The following MYH14 variants were observed in gnomAD, a reference collection of about 807,000 sequenced individuals.
The protein encoded by MYH14 is myosin heavy chain 14, also known as myosin-14.
In MYH14, 123 loss-of-function variants were observed where a neutral mutation model predicts 255.5. The ratio of observed to expected loss-of-function variants is 0.48; its 90% CI spans 0.42 to 0.56. MYH14 has a LOEUF of 0.56. MYH14 is among the 20% of genes least tolerant of loss of function. The probability of loss-of-function intolerance (pLI) is 0.00; values close to 1 mark genes in which losing one functional copy is unlikely to be tolerated. For synonymous variants in MYH14, 1,095 were observed against 1,161.2 expected, an observed-to-expected ratio of 0.94 and a Z score of 1.16; for missense variants, 2,423 against 2,802.3, an observed-to-expected ratio of 0.86 and a Z score of 3.06.
intron 20 of MYH14, 33 bp downstream of exon 20, chr19:50,260,748 C>A: frequency 7.6e-7 from 1 of 1,318,722 alleles, no homozygotes; most frequent in Non-Finnish European, 1.1e-6. Flanking sequence ...TGCGTGTGTG[C>A]GTGTGTGTGT....
chr19:50,207,568 C>G (rs1352221358), intron 1 of MYH14, among the ~76,000 whole-genome samples: 3 of 152,122 alleles, frequency 2.0e-5, no homozygotes, highest in Non-Finnish European at 2.9e-5. Context: ...CTCAGGCCCA[C>G]TCGGGGCGGA....
In MYH14 at chr19:50,257,481, A is replaced by G; in HGVS notation, c.2227A>G (p.Lys743Glu). 6.2e-7 allele frequency: 1 copy of G among 1,600,638 alleles called. No individual in the cohort carries two copies. Among genetic ancestry groups the G allele is most frequent in the Non-Finnish European group, 8.5e-7 (1 of 1,173,204 alleles). ...CCGCTGCATTGTCCCCAACCACGAG[A>G]AGAGGGTGAGTGACTCAGCCTGGGG... is the stretch of plus-strand genomic sequence containing the variant. ...FVRCIVPNHE[K>E]RAGKLEPRLV... The change falls in exon 18 of 43, where the codon AAG becomes GAG. Residue 743 changes from lysine (K) to glutamate (E), a missense_variant. By Grantham distance (56) the Lys-to-Glu change is moderately conservative. Coordinates refer to ENST00000642316, the MANE Select transcript of MYH14 (RefSeq NM_001145809.2).
intron 10 of MYH14, among the ~76,000 whole-genome samples, chr19:50,241,538 T>G: frequency 6.6e-6 from 1 of 151,396 alleles, no homozygotes. Flanking sequence ...CAGGGGAGAG[T>G]GTTCTGAAAA....
At position 50,252,641 on chromosome 19, in the gene MYH14, C is replaced by T. The variant is rs775077510; in HGVS notation, c.1833C>T (p.Val611=). The T allele has an allele frequency of 3.3e-5, 52 of 1,581,964 alleles. No individual in the cohort carries two copies. The highest frequency in any genetic ancestry group is 1.5e-4 in the African/African-American group (11 of 74,036). Residue 611 remains valine (V), a splice_region_variant and synonymous_variant, in exon 16 of 43, where the codon GTC becomes GTT. Transcript: ENST00000642316. The surrounding 1 kb of genome is among the most constrained non-coding windows in gnomAD (Gnocchi z 4.2). The stretch of plus-strand genomic sequence containing the variant: ...CTCCTCTACCTGACTTCATTCAGGT[C>T]GACTACAAGGCCAACGAGTGGCTGA... ...DFSVLHYAGK[V]DYKANEWLMK...
rs746571865 is a variant in MYH14, at chr19:50,276,931, G to A, written c.3825+30G>A. Reference sequence around the variant, plus strand: ...GTTGGGGCAGGGGGACAGGGCAGGGGGGCCACGGGGAGGGCAGGGCAGGAC... The same window carrying A: ...GTTGGGGCAGGGGGACAGGGCAGGGAGGCCACGGGGAGGGCAGGGCAGGAC... On this transcript the variant is annotated intron_variant, in intron 29 of 42. Coordinates refer to ENST00000642316, the MANE Select transcript of MYH14 (RefSeq NM_001145809.2). The surrounding 1 kb of genome is among the most constrained non-coding windows in gnomAD (Gnocchi z 4.3). 2.0e-6 allele frequency: 3 copies of A among 1,504,624 alleles called. No homozygotes were observed. The highest frequency in any genetic ancestry group is 9.1e-7 in the Non-Finnish European group (1 of 1,100,446). The allele number at this position is 1,504,624 out of a possible 1,614,324, so 93.2% of individuals were successfully genotyped here.
Position 50,309,024 on chromosome 19 carries a change from G to T in MYH14, c.5807G>T (p.Arg1936Leu), listed in dbSNP as rs780193307. The T allele has an allele frequency of 6.2e-7, 1 of 1,612,844 alleles. No homozygotes were observed. Among genetic ancestry groups the T allele is most frequent in the South Asian group, 1.1e-5 (1 of 90,994 alleles). Residue 1936 changes from arginine to leucine, a missense_variant, in exon 42 of 43, where the codon CGA becomes CTA. Coordinates refer to ENST00000642316, the MANE Select transcript of MYH14 (RefSeq NM_001145809.2). Reference protein sequence around the residue: ...LRDQLEKGNLRVKQLKRQLEE... With the variant: ...LRDQLEKGNLLVKQLKRQLEE... Reference sequence around the variant, plus strand: ...ATCAAGCTGGAGAAGGGAAACCTTCGAGTCAAGCAGCTGAAGCGGCAGCTG... The same window carrying T: ...ATCAAGCTGGAGAAGGGAAACCTTCTAGTCAAGCAGCTGAAGCGGCAGCTG...
chr19:50,230,514 G>T lies in MYH14; in HGVS notation c.875-11G>T. ...CCCTTCCCCTCTAGCACCTTGACTCGCTGTGTCCAGACCTGCTGGAGAAGT... is the reference window on the plus strand; with the variant it reads ...CCCTTCCCCTCTAGCACCTTGACTCTCTGTGTCCAGACCTGCTGGAGAAGT... On this transcript the variant is annotated splice_polypyrimidine_tract_variant and intron_variant, in intron 8 of 42. Coordinates refer to ENST00000642316, the MANE Select transcript of MYH14 (RefSeq NM_001145809.2). This position sits in a 1 kb window ranked among gnomAD's most constrained non-coding sequence, Gnocchi z 4.7. 1 of 1,555,084 alleles carries T rather than the reference G, an allele frequency of 6.4e-7. No homozygotes were observed.
intron 6 of MYH14, 103 bp downstream of exon 6, chr19:50,224,280 C>A: frequency 2.0e-6 from 3 of 1,507,828 alleles, no homozygotes; most frequent in Non-Finnish European, 2.8e-6. Flanking sequence ...AGCAGTGGTC[C>A]CACCTGCCAG....
Position 50,267,126 on chromosome 19 carries a change from C to T in MYH14, c.2826+118C>T. On this transcript the variant is annotated intron_variant, in intron 23 of 42. Transcript: ENST00000642316. The stretch of plus-strand genomic sequence containing the variant: ...TGAGCCAGCCTGTGCCCAGGCAGGG[C>T]TGTCGGGAGGATGGGAGCAAAGCTA... 4 of 1,025,390 alleles carry T rather than the reference C, an allele frequency of 3.9e-6. No individual in the cohort carries two copies. The African/African-American group carries it at 6.4e-5, about 16-fold the overall frequency. The allele number at this position is 1,025,390 out of a possible 1,614,324, so 63.5% of individuals were successfully genotyped here. A position where few individuals can be genotyped will look rare whatever the true frequency, so the allele number is the denominator to read the frequency against.
rs1226454688 is a variant in MYH14, at chr19:50,250,558, G to T, written c.1700G>T (p.Trp567Leu). The T allele has an allele frequency of 1.2e-6, 2 of 1,613,776 alleles. No individual in the cohort carries two copies. The highest frequency in any genetic ancestry group is 1.3e-5 in the African/African-American group (1 of 74,928). ...CTGGCCCTGCTGGATGAGGAGTGCT[G>T]GTTCCCGAAGGCCACAGACAAGTCG... Reference protein sequence around the residue: ...GLLALLDEECWFPKATDKSFV... With the variant: ...GLLALLDEECLFPKATDKSFV... Residue 567 changes from tryptophan to leucine, a missense_variant, in exon 15 of 43, where the codon TGG (tryptophan) becomes TTG (leucine). Around this residue, in one of 3 missense-constraint regions of MYH14, gnomAD observed 672 missense variants for 881.8 expected, o/e 0.76. Transcript: ENST00000642316. The surrounding 1 kb of genome is among the most constrained non-coding windows in gnomAD (Gnocchi z 5.4).
intron 19 of MYH14, 150 bp from the exon 20 acceptor site, chr19:50,260,496 A>C: frequency 1.6e-6 from 1 of 634,664 alleles, no homozygotes. Flanking sequence ...GGTGGCGTGA[A>C]TGCTCAGATG....
Position 50,217,617 on chromosome 19 carries a change from G to T in MYH14, c.408G>T (p.Thr136=). Residue 136 remains threonine (T), a splice_region_variant and synonymous_variant, in exon 3 of 43, where the codon ACG becomes ACT. Transcript: ENST00000642316. ...CTCTCCCCTCTCACCCACTGCAGACGTACTCCGGCCTTTTCTGTGTGGTCA... is the reference window on the plus strand; with the variant it reads ...CTCTCCCCTCTCACCCACTGCAGACTTACTCCGGCCTTTTCTGTGTGGTCA... ...RERYYSGLIY[T]YSGLFCVVIN... The T allele has an allele frequency of 6.2e-7, 1 of 1,614,010 alleles. No homozygotes were observed. The highest frequency in any genetic ancestry group is 8.5e-7 in the Non-Finnish European group (1 of 1,179,900).
chr19:50,227,758 T>C (rs1312487723), intron 8 of MYH14, among the ~76,000 whole-genome samples: 1 of 152,158 alleles, frequency 6.6e-6, no homozygotes, highest in African/African-American at 2.4e-5. Flanking sequence ...ATTAAGAGAA[T>C]GGGCCAAGAA....
At chr19:50,294,770 T>A (rs1204000224) in intron 39 of MYH14, among the ~76,000 whole-genome samples, 3 of 151,598 alleles carry the variant, frequency 2.0e-5, no homozygotes, top group South Asian at 2.1e-4. Flanking sequence ...TGCTCAACAG[T>A]TATGTGTAGT....
intron 6 of MYH14, chr19:50,224,926 G>A (rs1434354262): frequency 1.3e-5 from 6 of 445,196 alleles, no homozygotes; most frequent in Non-Finnish European, 2.7e-5. Context: ...GCAAAAGAGT[G>A]AGACCCCATC....
At chr19:50,220,626 G>T (rs2032770663) in intron 3 of MYH14, among the ~76,000 whole-genome samples, 1 of 151,778 alleles carries the variant, frequency 6.6e-6, no homozygotes, top group Admixed American at 6.6e-5. Context: ...CATGACCTTA[G>T]CTCGCTGCAA....
rs182390012 is a variant in MYH14, at chr19:50,266,453, G to T, written c.2695-424G>T. Among the ~76,000 whole-genome samples the T allele has an allele frequency of 1.2e-4, 18 of 152,274 alleles. No individual in the cohort carries two copies. The East Asian group carries it at 2.3e-3, about 20-fold the overall frequency. ...ATACGCCTGTAATCCCAGCTACTCG[G>T]GAGGCTGAGGCAGGAGAATCGCTTG... is the stretch of plus-strand genomic sequence containing the variant. On this transcript the variant is annotated intron_variant, in intron 22 of 42. Coordinates refer to ENST00000642316, the MANE Select transcript of MYH14 (RefSeq NM_001145809.2). The surrounding 1 kb of genome is among the most constrained non-coding windows in gnomAD (Gnocchi z 4.1).
rs901653650 is a variant in MYH14 at position 50,293,439 on chromosome 19, C to T, written c.5345+118C>T. 20 of 1,534,130 alleles carry T rather than the reference C, an allele frequency of 1.3e-5. No individual in the cohort carries two copies. The highest frequency in any genetic ancestry group is 1.2e-4 in the African/African-American group (9 of 72,842). On this transcript the variant is annotated intron_variant, in intron 38 of 42. Transcript: ENST00000642316. This position sits in a 1 kb window ranked among gnomAD's most constrained non-coding sequence, Gnocchi z 4.1. ...ACTGGGAGGTGGGCGGGGTTAACCT[C>T]GGGGCCCCTGGGGTGTGAGGCTGGG... is the stretch of plus-strand genomic sequence containing the variant.
In MYH14 at chr19:50,261,652, T is replaced by A. The variant is rs754811926; in HGVS notation, c.2585+17T>A. On this transcript the variant is annotated intron_variant, in intron 21 of 42. Transcript: ENST00000642316. Reference sequence around the variant, plus strand: ...GGCTCGCAGGTGGGCAGCCACGCTGTCTCCCGGGGTCCTGTTGGCCGAGAC... The same window carrying A: ...GGCTCGCAGGTGGGCAGCCACGCTGACTCCCGGGGTCCTGTTGGCCGAGAC... 6.4e-6 allele frequency: 10 copies of A among 1,574,752 alleles called. No homozygotes were observed. In the East Asian group the frequency reaches 2.1e-4, roughly 34 times the overall value.
Sources: allele counts gnomAD v4.1 joint callset (sites outside exome capture counted in the v4.1 genomes callset), GRCh38; gene constraint gnomAD v4.1.1; regional missense constraint gnomAD v4.1.1; non-coding constraint Gnocchi (gnomAD v3.1); transcripts MANE v1.5; gene names NCBI Gene and HGNC (gene_info 2026-07-23, HGNC 2026-07-21).